Variants in MAF observed in about 807,000 individuals in gnomAD.
MAF encodes the protein transcription factor Maf.
A neutral mutation model predicts 22.0 loss-of-function variants in MAF; 10 were observed. The ratio of observed to expected loss-of-function variants is 0.45; its 90% CI spans 0.28 to 0.77. MAF has a LOEUF of 0.77. MAF is among the 30% of genes least tolerant of loss of function. The pLI is 0.12. For synonymous variants in MAF, 337 were observed against 255.8 expected (o/e 1.32, Z -3.03); for missense variants, 544 against 548.4 (o/e 0.99, Z 0.08).
chr16:79,502,702 AATATAAATATATAT>A, the MAF span, among the ~76,000 whole-genome samples: 85 of 86,480 alleles, frequency 9.8e-4, 2 homozygotes, highest in Middle Eastern at 5.0e-3. Context: ...TATAAATATA[AATATAAATATATAT>A]ATATATATAT....
the MAF span, among the ~76,000 whole-genome samples, chr16:79,455,615 T>A: frequency 6.6e-6 from 1 of 152,238 alleles, no homozygotes; most frequent in South Asian, 2.1e-4. Flanking sequence ...GGGCGGTTTT[T>A]ATTCCCACCT....
chr16:79,211,499 A>AAAC, the MAF span: 3 of 1,421,844 alleles, frequency 2.1e-6, no homozygotes, highest in Non-Finnish European at 2.9e-6. Flanking sequence ...GATCCAGCTG[A>AAAC]AACTGAACCA....
chr16:79,597,991 C>T lies in MAF; in HGVS notation c.1118+794G>A, dbSNP rs1231026686. 4.8e-6 allele frequency: 5 copies of T among 1,041,418 alleles called. No homozygotes were observed. In the African/African-American group the frequency reaches 5.1e-5, roughly 11 times the overall value. 64.5% of individuals were successfully genotyped at this position (1,041,418 alleles called of 1,614,324 possible). ...ACAAGTCACACCCAGAAGGTTGATG[C>T]AGGCTTGATTGTGGAAGGTTCATGA... On this transcript the variant is annotated intron_variant, in intron 1 of 1. Transcript: ENST00000326043.
the MAF span, among the ~76,000 whole-genome samples, chr16:79,578,259 T>C: frequency 5.3e-5 from 8 of 152,170 alleles, no homozygotes; most frequent in Non-Finnish European, 2.9e-5. Flanking sequence ...TTGATTTTTA[T>C]TTTATTTTAT....
chr16:79,532,270 T>A, the MAF span, among the ~76,000 whole-genome samples: 1 of 152,014 alleles, frequency 6.6e-6, no homozygotes, highest in Admixed American at 6.6e-5. Flanking sequence ...GGCAGGAGGG[T>A]TGAGAACAAA....
the MAF span, among the ~76,000 whole-genome samples, chr16:79,318,442 T>C: frequency 2.0e-5 from 3 of 152,088 alleles, no homozygotes; most frequent in South Asian, 2.1e-4. Context: ...TCTCCATCCA[T>C]GGGAAAATGC....
At chr16:79,576,360 G>T in the MAF span, among the ~76,000 whole-genome samples, 1 of 151,048 alleles carries the variant, frequency 6.6e-6, no homozygotes, top group Non-Finnish European at 1.5e-5. Context: ...TTGGAAGTTT[G>T]AAAGATACCA....
chr16:79,263,306 G>T, the MAF span, among the ~76,000 whole-genome samples: 2 of 152,236 alleles, frequency 1.3e-5, no homozygotes, highest in East Asian at 3.8e-4. Flanking sequence ...TCTAAGGGAA[G>T]TCAAGACAGA....
the MAF span, among the ~76,000 whole-genome samples, chr16:79,424,102 T>C: frequency 7.2e-4 from 110 of 152,334 alleles, no homozygotes; most frequent in African/African-American, 2.5e-3. Context: ...TAGGTATTTA[T>C]AGTTTACACA....
the MAF span, among the ~76,000 whole-genome samples, chr16:79,221,279 T>A: frequency 3.3e-5 from 5 of 152,308 alleles, no homozygotes; most frequent in Admixed American, 1.3e-4. Flanking sequence ...CTCTTCTTAT[T>A]ATTGGCTGCC....
At chr16:79,317,490 C>T in the MAF span, among the ~76,000 whole-genome samples, 4 of 144,240 alleles carry the variant, frequency 2.8e-5, no homozygotes, top group Admixed American at 6.9e-5. Flanking sequence ...TCCCTCCCTC[C>T]GTTCTCCCTT....
the MAF span, among the ~76,000 whole-genome samples, chr16:79,234,465 T>C: frequency 3.3e-5 from 5 of 152,252 alleles, no homozygotes; most frequent in South Asian, 1.0e-3. Flanking sequence ...CAGCAAATAG[T>C]TGTAAAATAG....
At chr16:79,454,990 G>A in the MAF span, among the ~76,000 whole-genome samples, 3 of 151,886 alleles carry the variant, frequency 2.0e-5, no homozygotes, top group Non-Finnish European at 4.4e-5. Flanking sequence ...TAGCTACTCT[G>A]GAGGCTGAGG....
At chr16:79,533,257 C>T in the MAF span, among the ~76,000 whole-genome samples, 1 of 152,170 alleles carries the variant, frequency 6.6e-6, no homozygotes, top group East Asian at 1.9e-4. Context: ...GGGATGGTCT[C>T]AGACCTGTTT....
chr16:79,215,269 A>T, the MAF span, among the ~76,000 whole-genome samples: 1 of 152,046 alleles, frequency 6.6e-6, no homozygotes. Flanking sequence ...TTAAACAGAG[A>T]TGGGGTCTTG....
At chr16:79,413,969 G>C in the MAF span, among the ~76,000 whole-genome samples, 7 of 152,302 alleles carry the variant, frequency 4.6e-5, no homozygotes, top group African/African-American at 1.2e-4. Flanking sequence ...CCTGAGTTCA[G>C]ATGCTGGCTC....
the MAF span, among the ~76,000 whole-genome samples, chr16:79,477,424 G>A: frequency 1.3e-5 from 2 of 152,276 alleles, no homozygotes; most frequent in African/African-American, 2.4e-5. Context: ...CCACGAGCCT[G>A]GCTGTCTTGC....
chr16:79,550,508 A>C, the MAF span, among the ~76,000 whole-genome samples: 3 of 152,300 alleles, frequency 2.0e-5, no homozygotes, highest in African/African-American at 7.2e-5. Context: ...ACAGCTCACC[A>C]TGTGACCCAT....
the MAF span, among the ~76,000 whole-genome samples, chr16:79,565,931 C>T: frequency 6.6e-6 from 1 of 152,154 alleles, no homozygotes; most frequent in Non-Finnish European, 1.5e-5. Context: ...TCAAGTCACA[C>T]AGCTAGAAAC....
Sources: gnomAD v4.1 joint callset for allele counts (sites outside exome capture counted in the v4.1 genomes callset) on GRCh38, gnomAD v4.1.1 for gene constraint, MANE v1.5 for transcripts, NCBI Gene and HGNC (gene_info 2026-07-23, HGNC 2026-07-21) for gene names.